EYS: variants seen among roughly 807,000 people sequenced by gnomAD.
EYS encodes protein eyes shut homolog.
In EYS, 250 loss-of-function variants were observed where a neutral mutation model predicts 282.1. That is an observed-to-expected ratio of 0.89 (90% CI 0.80 to 0.98). EYS has a LOEUF of 0.98. Among genes scored for constraint, EYS ranks in the 50% least tolerant of loss-of-function variants. EYS has a pLI of 0.00. For synonymous variants in EYS, 1,355 were observed against 1,282.9 expected (o/e 1.06, Z -1.20); for missense variants, 4,016 against 3,709.0 (o/e 1.08, Z -2.15).
At chr6:63,949,706 A>G (rs1277354547) in intron 35 of EYS, among the ~76,000 whole-genome samples, 2 of 152,218 alleles carry the variant, frequency 1.3e-5, no homozygotes, top group African/African-American at 2.4e-5. Flanking sequence ...ATTATGTTCT[A>G]TAAAGTGGCA....
At chr6:65,530,576 A>AT (rs1359057267) in intron 2 of EYS, among the ~76,000 whole-genome samples, 1 of 152,082 alleles carries the variant, frequency 6.6e-6, no homozygotes, top group Admixed American at 6.6e-5. Flanking sequence ...TAAAAACATA[A>AT]TTTTTGTATC....
intron 1 of EYS, among the ~76,000 whole-genome samples, chr6:65,684,819 G>A (rs1410415792): frequency 6.6e-6 from 1 of 151,992 alleles, no homozygotes; most frequent in Admixed American, 6.6e-5. Context: ...GCATAGATAT[G>A]ATAAGTAGTT....
At chr6:64,667,472 T>C (rs1393986037) in intron 22 of EYS, among the ~76,000 whole-genome samples, 2 of 151,748 alleles carry the variant, frequency 1.3e-5, no homozygotes, top group East Asian at 3.9e-4. Context: ...AAGGACATTC[T>C]GTTAAATAGT....
At chr6:64,762,839 T>C (rs544563113) in intron 22 of EYS, among the ~76,000 whole-genome samples, 1 of 152,322 alleles carries the variant, frequency 6.6e-6, no homozygotes, top group Non-Finnish European at 1.5e-5. Context: ...CAAGCATTTA[T>C]AGTGTATTGA....
At chr6:65,519,708 A>ATATATATATATTTTTTTTTTTT (rs1554205854) in intron 2 of EYS, among the ~76,000 whole-genome samples, 2 of 42,560 alleles carry the variant, frequency 4.7e-5, no homozygotes, top group Admixed American at 4.0e-4. Context: ...ATATATATAT[A>ATATATATATATTTTTTTTTTTT]TTTTTTTTTT....
At chr6:65,116,478 A>G (rs1199612521) in intron 12 of EYS, among the ~76,000 whole-genome samples, 2 of 152,060 alleles carry the variant, frequency 1.3e-5, no homozygotes, top group Non-Finnish European at 2.9e-5. Flanking sequence ...GAGATAATCT[A>G]TCTCTGTGGG....
At chr6:64,122,985 G>A (rs560876806) in intron 31 of EYS, among the ~76,000 whole-genome samples, 2 of 152,058 alleles carry the variant, frequency 1.3e-5, no homozygotes, top group East Asian at 1.9e-4. Flanking sequence ...AAGTATTGTG[G>A]GGGTACAAAG....
intron 30 of EYS, among the ~76,000 whole-genome samples, chr6:64,264,517 C>T (rs1767691172): frequency 6.6e-6 from 1 of 152,054 alleles, no homozygotes; most frequent in Non-Finnish European, 1.5e-5. Context: ...GAGATTCGAG[C>T]TTGGAAGTGG....
intron 34 of EYS, among the ~76,000 whole-genome samples, chr6:63,994,469 C>T (rs1342123386): frequency 2.0e-5 from 3 of 151,874 alleles, no homozygotes; most frequent in Non-Finnish European, 4.4e-5. Flanking sequence ...ACGAGAGACC[C>T]TGAAAGGCCT....
At chr6:65,335,988 A>G (rs1562103816) in intron 10 of EYS, among the ~76,000 whole-genome samples, 1 of 151,572 alleles carries the variant, frequency 6.6e-6, no homozygotes, top group Non-Finnish European at 1.5e-5. Context: ...TGGTTGTGTA[A>G]AAGTATATAA....
intron 2 of EYS, among the ~76,000 whole-genome samples, chr6:65,611,425 AAG>A (rs1765997658): frequency 6.6e-6 from 1 of 151,308 alleles, no homozygotes; most frequent in East Asian, 1.9e-4. Flanking sequence ...GTATATAAGA[AAG>A]ACTATTTCTT....
At chr6:64,394,067 C>T (rs562622092) in intron 28 of EYS, among the ~76,000 whole-genome samples, 2 of 152,182 alleles carry the variant, frequency 1.3e-5, no homozygotes, top group African/African-American at 2.4e-5. Context: ...AGGAATCAAA[C>T]TTACAAGGGA....
chr6:64,698,068 T>G (rs1770648404), intron 22 of EYS, among the ~76,000 whole-genome samples: 1 of 152,086 alleles, frequency 6.6e-6, no homozygotes, highest in Non-Finnish European at 1.5e-5. Context: ...ACATGGAAAT[T>G]AAACAACATA....
intron 30 of EYS, among the ~76,000 whole-genome samples, chr6:64,305,906 A>T (rs893600627): frequency 6.6e-6 from 1 of 152,202 alleles, no homozygotes; most frequent in Non-Finnish European, 1.5e-5. Flanking sequence ...CTAAAAAGAA[A>T]TTGTGCATCA....
chr6:65,117,515 C>T (rs1465421164), intron 12 of EYS, among the ~76,000 whole-genome samples: 4 of 152,132 alleles, frequency 2.6e-5, no homozygotes, highest in African/African-American at 7.2e-5. Context: ...AAATATCTGT[C>T]CCGCAGTCAA....
intron 24 of EYS, among the ~76,000 whole-genome samples, chr6:64,609,719 C>A (rs1400954806): frequency 6.6e-6 from 1 of 151,814 alleles, no homozygotes; most frequent in Non-Finnish European, 1.5e-5. Context: ...CTCATCTCTA[C>A]AAAAAATATT....
chr6:64,002,719 A>G (rs116145779), intron 33 of EYS, among the ~76,000 whole-genome samples: 2,161 of 152,218 alleles, frequency 0.014, 47 homozygotes, highest in African/African-American at 0.049. Context: ...GTGTGTGTAT[A>G]TAGAGATAGG....
intron 12 of EYS, among the ~76,000 whole-genome samples, chr6:65,125,918 G>T (rs901194999): frequency 6.6e-6 from 1 of 152,112 alleles, no homozygotes; most frequent in East Asian, 1.9e-4. Context: ...GGCTTTATCA[G>T]TCTCTACATC....
In EYS at chr6:65,334,998, T is replaced by C. The variant is rs113591099; in HGVS notation, c.1748A>G (p.Asp583Gly). The part of the protein sequence containing the change: ...NECQHEAVCK[D>G]EINRPRCSCS... ...TAAATACCTGGGTCTATTAATTTCA[T>C]CTTTACAAACAGCTTCATGTTGACA... Residue 583 changes from aspartate to glycine, a missense_variant, in exon 11 of 43, where the codon GAT becomes GGT. Transcript: ENST00000503581. 1.2e-6 allele frequency: 2 copies of C among 1,609,910 alleles called. No individual in the cohort carries two copies. Among genetic ancestry groups the C allele is most frequent in the African/African-American group, 1.3e-5 (1 of 74,862 alleles).
Sources: allele counts gnomAD v4.1 joint callset (sites outside exome capture counted in the v4.1 genomes callset), GRCh38; gene constraint gnomAD v4.1.1; transcripts MANE v1.5; gene names NCBI Gene and HGNC (gene_info 2026-07-23, HGNC 2026-07-21).